ARHGEF12: variants seen among roughly 807,000 people sequenced by gnomAD.
The protein encoded by ARHGEF12 is Rho guanine nucleotide exchange factor 12, also known as KMT2A/ARHGEF12 fusion protein.
A neutral mutation model predicts 211.2 loss-of-function variants in ARHGEF12; 66 were observed. That is an observed-to-expected ratio of 0.31 (90% CI 0.26 to 0.38). ARHGEF12 has a LOEUF of 0.38. Among genes scored for constraint, ARHGEF12 ranks in the 10% least tolerant of loss-of-function variants. The pLI, the probability that ARHGEF12 is intolerant of heterozygous loss-of-function variation, is 1.00. For synonymous variants in ARHGEF12, 592 were observed against 638.4 expected (o/e 0.93, Z 1.09); for missense variants, 1,429 against 1,869.5 (o/e 0.76, Z 4.34).
chr11:120,461,876 C>T (rs568906396), intron 27 of ARHGEF12, among the ~76,000 whole-genome samples: 52 of 152,326 alleles, frequency 3.4e-4, no homozygotes, highest in African/African-American at 1.2e-3. Flanking sequence ...TCGTCTGCAG[C>T]TTCCTTACCT....
At position 120,355,311 on chromosome 11, in the gene ARHGEF12, C is replaced by T. The variant is rs190665173; in HGVS notation, c.32+18036C>T. 1.1e-3 allele frequency among the ~76,000 whole-genome samples: 160 copies of T among 152,220 alleles called. 4 individuals are homozygous for T. The East Asian group carries it at 0.012, about 11-fold the overall frequency. ...TTTATATGTTTATTTGTATACTAGT[C>T]GTTTACATTTGCATTTACTATACTT... is the stretch of plus-strand genomic sequence containing the variant. On this transcript the variant is annotated intron_variant, in intron 1 of 40. Transcript: ENST00000397843.
chr11:120,433,542 A>G (rs1400794572), intron 11 of ARHGEF12, among the ~76,000 whole-genome samples: 1 of 152,210 alleles, frequency 6.6e-6, no homozygotes, highest in Non-Finnish European at 1.5e-5. Flanking sequence ...TTATGTTTCC[A>G]AAGTGTAGCA....
At chr11:120,417,698 T>C (rs1945073290) in intron 4 of ARHGEF12, among the ~76,000 whole-genome samples, 1 of 151,984 alleles carries the variant, frequency 6.6e-6, no homozygotes, top group South Asian at 2.1e-4. Flanking sequence ...TTTATCATGT[T>C]GGTCAGGCTG....
At chr11:120,389,421 G>T (rs1195573257) in intron 1 of ARHGEF12, among the ~76,000 whole-genome samples, 1 of 151,888 alleles carries the variant, frequency 6.6e-6, no homozygotes, top group African/African-American at 2.4e-5. Flanking sequence ...TATAGTTTTG[G>T]GTTTTACTTT....
chr11:120,398,521 C>T (rs1056530965), intron 1 of ARHGEF12, among the ~76,000 whole-genome samples: 4 of 152,022 alleles, frequency 2.6e-5, no homozygotes, highest in East Asian at 3.8e-4. Flanking sequence ...GTCCTTTTAT[C>T]GATGGTGGTT....
intron 1 of ARHGEF12, among the ~76,000 whole-genome samples, chr11:120,341,271 TG>T (rs1165334757): frequency 2.0e-4 from 12 of 60,044 alleles, no homozygotes; most frequent in African/African-American, 1.1e-3. Context: ...TTGGCCAGGC[TG>T]GTCTTGAACT....
intron 1 of ARHGEF12, among the ~76,000 whole-genome samples, chr11:120,367,532 A>G (rs1457925649): frequency 6.6e-6 from 1 of 151,618 alleles, no homozygotes; most frequent in Non-Finnish European, 1.5e-5. Context: ...TGTCCGGCTA[A>G]TTTTTGTATT....
chr11:120,348,731 C>T (rs1942843624), intron 1 of ARHGEF12, among the ~76,000 whole-genome samples: 1 of 152,072 alleles, frequency 6.6e-6, no homozygotes, highest in South Asian at 2.1e-4. Flanking sequence ...ATTCCAGCTA[C>T]TCGGGAGGCT....
chr11:120,406,713 CA>C (rs2135573791), intron 2 of ARHGEF12, among the ~76,000 whole-genome samples: 1 of 152,254 alleles, frequency 6.6e-6, no homozygotes, highest in African/African-American at 2.4e-5. Context: ...CGCCCGCCAC[CA>C]CGCCTGGCTA....
chr11:120,483,117 A>G (rs796274138), intron 39 of ARHGEF12, among the ~76,000 whole-genome samples: 23 of 152,298 alleles, frequency 1.5e-4, no homozygotes, highest in African/African-American at 3.9e-4. Flanking sequence ...GATAGAATAT[A>G]TCTTTATTTA....
At chr11:120,376,927 A>T (rs1340288810) in intron 1 of ARHGEF12, among the ~76,000 whole-genome samples, 1 of 152,188 alleles carries the variant, frequency 6.6e-6, no homozygotes, top group Non-Finnish European at 1.5e-5. Context: ...TTCACTTAAC[A>T]TAATGACCTT....
chr11:120,409,540 T>G, intron 4 of ARHGEF12, 90 bp downstream of exon 4: 1 of 1,291,986 alleles, frequency 7.7e-7, no homozygotes, highest in Non-Finnish European at 1.1e-6. Context: ...TTTCTTTCTT[T>G]TTAAATAACT....
intron 1 of ARHGEF12, among the ~76,000 whole-genome samples, chr11:120,379,404 C>T (rs1269491245): frequency 1.3e-5 from 2 of 151,876 alleles, no homozygotes; most frequent in Non-Finnish European, 2.9e-5. Context: ...TTTATTTTCA[C>T]TGTCTTACTC....
intron 28 of ARHGEF12, 42 bp from the exon 29 acceptor site, chr11:120,467,152 C>T (rs1157208142): frequency 7.7e-7 from 1 of 1,298,636 alleles, no homozygotes; most frequent in Non-Finnish European, 1.1e-6. Flanking sequence ...TGTATAAGTT[C>T]AAATAAGAAT....
At chr11:120,434,761 G>A (rs1297154258) in intron 11 of ARHGEF12, among the ~76,000 whole-genome samples, 1 of 152,180 alleles carries the variant, frequency 6.6e-6, no homozygotes, top group African/African-American at 2.4e-5. Context: ...CTGAAATTCA[G>A]AGCATCTATC....
chr11:120,378,545 T>C (rs1943793247), intron 1 of ARHGEF12, among the ~76,000 whole-genome samples: 1 of 152,222 alleles, frequency 6.6e-6, no homozygotes, highest in African/African-American at 2.4e-5. Flanking sequence ...CTATCGTAAA[T>C]ATCTTGACTT....
At chr11:120,344,778 G>A (rs1277916624) in intron 1 of ARHGEF12, among the ~76,000 whole-genome samples, 1 of 152,176 alleles carries the variant, frequency 6.6e-6, no homozygotes, top group East Asian at 1.9e-4. Flanking sequence ...TGAGATCTTA[G>A]GATGAAAAGT....
chr11:120,394,736 A>G (rs958895106), intron 1 of ARHGEF12, among the ~76,000 whole-genome samples: 7 of 152,110 alleles, frequency 4.6e-5, no homozygotes, highest in Admixed American at 4.6e-4. Context: ...AAGAGGTGAC[A>G]TCATTACAGA....
At chr11:120,482,581 T>TA (rs1947279501) in intron 39 of ARHGEF12, among the ~76,000 whole-genome samples, 1 of 151,906 alleles carries the variant, frequency 6.6e-6, no homozygotes, top group African/African-American at 2.4e-5. Context: ...CCGTCTCTAC[T>TA]AAAAATAAAA....
Sources: gnomAD v4.1 joint callset for allele counts (sites outside exome capture counted in the v4.1 genomes callset) on GRCh38, gnomAD v4.1.1 for gene constraint, MANE v1.5 for transcripts, NCBI Gene and HGNC (gene_info 2026-07-23, HGNC 2026-07-21) for gene names.